KCND3: variants seen among roughly 807,000 people sequenced by gnomAD.
KCND3 encodes the protein potassium voltage-gated channel subfamily D member 3, also known as A-type voltage-gated potassium channel KCND3.
In KCND3, 9 loss-of-function variants were observed where a neutral mutation model predicts 51.1. That is an observed-to-expected ratio of 0.18 (90% CI 0.11 to 0.31). KCND3 has a LOEUF of 0.31. Ranked by LOEUF, KCND3 falls within the 10% of genes least tolerant of loss-of-function variation. The pLI, the probability that KCND3 is intolerant of heterozygous loss-of-function variation, is 1.00. For synonymous variants in KCND3, 349 were observed against 368.0 expected, an observed-to-expected ratio of 0.95 and a Z score of 0.59; for missense variants, 526 against 903.8, an observed-to-expected ratio of 0.58 and a Z score of 5.36.
At chr1:111,791,711 G>C (rs1408335151) in intron 2 of KCND3, among the ~76,000 whole-genome samples, 1 of 152,210 alleles carries the variant, frequency 6.6e-6, no homozygotes, top group Non-Finnish European at 1.5e-5. Flanking sequence ...ACTATGAATT[G>C]AGGTCTTTAG....
At chr1:111,978,651 A>G (rs1320204354) in intron 2 of KCND3, among the ~76,000 whole-genome samples, 1 of 152,186 alleles carries the variant, frequency 6.6e-6, no homozygotes, top group Non-Finnish European at 1.5e-5. Context: ...TAGATCATAC[A>G]CCAAGTAAAG....
chr1:111,916,682 T>C (rs1671232414), intron 2 of KCND3, among the ~76,000 whole-genome samples: 1 of 151,890 alleles, frequency 6.6e-6, no homozygotes, highest in Non-Finnish European at 1.5e-5. Flanking sequence ...AAAGACAAGA[T>C]CACCAATACA....
chr1:111,878,371 C>T (rs1305512745), intron 2 of KCND3, among the ~76,000 whole-genome samples: 1 of 152,210 alleles, frequency 6.6e-6, no homozygotes. Context: ...CTGCTGAGTA[C>T]AGGGGAGACA....
At chr1:111,852,952 C>T (rs1486237796) in intron 2 of KCND3, among the ~76,000 whole-genome samples, 1 of 152,158 alleles carries the variant, frequency 6.6e-6, no homozygotes, top group Non-Finnish European at 1.5e-5. Flanking sequence ...ATTGTTTAAC[C>T]CTGGTCCTCC....
intron 2 of KCND3, among the ~76,000 whole-genome samples, chr1:111,822,614 T>C (rs1666400521): frequency 6.6e-6 from 1 of 152,238 alleles, no homozygotes; most frequent in South Asian, 2.1e-4. Flanking sequence ...AATCCACGGA[T>C]GAACACTGGG....
intron 2 of KCND3, among the ~76,000 whole-genome samples, chr1:111,904,451 TTG>T (rs1670544582): frequency 6.6e-6 from 1 of 152,212 alleles, no homozygotes; most frequent in Non-Finnish European, 1.5e-5. Context: ...CTCTTCCCTC[TTG>T]CTTTACTTTT....
At chr1:111,892,164 G>A (rs796557687) in intron 2 of KCND3, among the ~76,000 whole-genome samples, 22 of 152,336 alleles carry the variant, frequency 1.4e-4, no homozygotes, top group African/African-American at 4.8e-4. Flanking sequence ...TGACGACGAC[G>A]GATGAGGCAG....
At chr1:111,872,577 T>C (rs567984439) in intron 2 of KCND3, among the ~76,000 whole-genome samples, 77 of 151,390 alleles carry the variant, frequency 5.1e-4, no homozygotes, top group Middle Eastern at 3.4e-3. Context: ...GGGATACTAC[T>C]GCGTCTTTTT....
intron 2 of KCND3, among the ~76,000 whole-genome samples, chr1:111,930,304 A>G (rs1192450449): frequency 6.6e-6 from 1 of 152,078 alleles, no homozygotes; most frequent in East Asian, 1.9e-4. Context: ...GGGGTCTCAT[A>G]TACTGCACAG....
chr1:111,803,824 A>G (rs1665435983), intron 2 of KCND3, among the ~76,000 whole-genome samples: 1 of 152,180 alleles, frequency 6.6e-6, no homozygotes, highest in Non-Finnish European at 1.5e-5. Context: ...TTAGAAAAAA[A>G]AACTTCGTTA....
At position 111,777,158 on chromosome 1, in the gene KCND3, G is replaced by A. The variant is rs969494348; in HGVS notation, c.1634C>T (p.Thr545Ile). 2.5e-6 allele frequency: 4 copies of A among 1,614,116 alleles called. No individual in the cohort carries two copies. Among genetic ancestry groups the A allele is most frequent in the African/African-American group, 1.3e-5 (1 of 74,934 alleles). ...CTTCTTACTACGACGGGAGCAGCAG[G>A]TGGTAGTGAGGCCTGGGTGGCTGGA... ...SLSSHPGLTTTCCSRRSKKTT... is the reference protein window; with the variant it reads ...SLSSHPGLTTICCSRRSKKTT... The change falls in exon 7 of 8, where the codon ACC (threonine) becomes ATC (isoleucine). Residue 545 changes from threonine to isoleucine, a missense_variant. Thr to Ile is a moderately conservative substitution (Grantham distance 89). Transcript: ENST00000302127.
intron 2 of KCND3, among the ~76,000 whole-genome samples, chr1:111,901,060 A>T (rs907017823): frequency 6.6e-6 from 1 of 152,262 alleles, no homozygotes; most frequent in Non-Finnish European, 1.5e-5. Flanking sequence ...AATTTATCAC[A>T]GCAATGTCAC....
At chr1:111,871,743 A>T (rs958230478) in intron 2 of KCND3, among the ~76,000 whole-genome samples, 1 of 152,228 alleles carries the variant, frequency 6.6e-6, no homozygotes, top group Non-Finnish European at 1.5e-5. Flanking sequence ...AGAGCAAAAA[A>T]GAGTCAAGGA....
intron 2 of KCND3, among the ~76,000 whole-genome samples, chr1:111,817,119 G>A (rs553741600): frequency 2.6e-5 from 4 of 151,486 alleles, no homozygotes; most frequent in Non-Finnish European, 4.4e-5. Context: ...ATGCAGTCTC[G>A]ATGTTTTTTC....
At chr1:111,900,196 G>C (rs1346615050) in intron 2 of KCND3, among the ~76,000 whole-genome samples, 1 of 152,102 alleles carries the variant, frequency 6.6e-6, no homozygotes, top group East Asian at 1.9e-4. Flanking sequence ...CCTGCCCGGA[G>C]GGAGAGACCC....
intron 2 of KCND3, among the ~76,000 whole-genome samples, chr1:111,921,730 A>G (rs1042917453): frequency 6.6e-6 from 1 of 152,208 alleles, no homozygotes; most frequent in Non-Finnish European, 1.5e-5. Context: ...TTATCTTTGC[A>G]GTGTCACCAA....
chr1:111,982,148 G>A lies in KCND3; in HGVS notation c.579C>T (p.Ile193=), dbSNP rs776277949. ...CCACGTTGGTGATGACCGAGACAGC[G>A]ATGAAGAAGCCAGTCACGTAGTAGA... ...LVFYYVTGFF[I]AVSVITNVVE... The change falls in exon 2 of 8, where the codon ATC becomes ATT. Residue 193 remains isoleucine (I), a synonymous_variant. Transcript: ENST00000302127. This position sits in a 1 kb window ranked among gnomAD's most constrained non-coding sequence, Gnocchi z 8.5. 5.0e-6 allele frequency: 8 copies of A among 1,613,876 alleles called. No individual in the cohort carries two copies. Among genetic ancestry groups the A allele is most frequent in the African/African-American group, 1.3e-5 (1 of 74,912 alleles).
chr1:111,976,477 A>G (rs998214995), intron 2 of KCND3, among the ~76,000 whole-genome samples: 2 of 152,254 alleles, frequency 1.3e-5, no homozygotes, highest in African/African-American at 4.8e-5. Flanking sequence ...CAAATGAGAA[A>G]ACTAAAGCTG....
chr1:111,857,304 G>A (rs1484650828), intron 2 of KCND3, among the ~76,000 whole-genome samples: 1 of 152,202 alleles, frequency 6.6e-6, no homozygotes, highest in Non-Finnish European at 1.5e-5. Context: ...CACAGCGCGT[G>A]CTGAGGAGGA....
Sources: allele counts gnomAD v4.1 joint callset (sites outside exome capture counted in the v4.1 genomes callset), GRCh38; gene constraint gnomAD v4.1.1; non-coding constraint Gnocchi (gnomAD v3.1); transcripts MANE v1.5; gene names NCBI Gene and HGNC (gene_info 2026-07-23, HGNC 2026-07-21).